Variants in DSG1 observed in about 807,000 individuals in gnomAD.
The protein encoded by DSG1 is desmoglein-1.
Under a neutral mutation model 97.5 loss-of-function variants are expected in DSG1, and 39 were observed. The observed-to-expected ratio is 0.40, with a 90% CI of 0.31 to 0.52. DSG1 has a LOEUF of 0.52. Among genes scored for constraint, DSG1 ranks in the 20% least tolerant of loss-of-function variants. The pLI is 0.53. For synonymous variants in DSG1, 475 were observed against 443.4 expected (o/e 1.07, Z -0.90); for missense variants, 1,311 against 1,295.4 (o/e 1.01, Z -0.18).
intron 1 of DSG1, among the ~76,000 whole-genome samples, chr18:31,325,748 A>G (rs181175439): frequency 1.3e-5 from 2 of 152,270 alleles, no homozygotes; most frequent in Admixed American, 6.5e-5. Context: ...TCTTAGTAGT[A>G]ATTTACTTGA....
rs140327039 is a variant in DSG1, at chr18:31,339,953, T to G, written c.1615T>G (p.Leu539Val). Residue 539 changes from leucine to valine, a missense_variant, in exon 11 of 15, where the codon TTG becomes GTG. By Grantham distance (32) the Leu-to-Val change is conservative. Transcript: ENST00000257192. ...TGAACCCGGAAACGGAGCCAAAGAT[T>G]TGTTATCAGACAATGTACATTTTGG... ...SSEPGNGAKD[L>V]LSDNVHFGPA... is the part of the protein sequence containing the mutation. 843 of 1,614,058 alleles carry G rather than the reference T, an allele frequency of 5.2e-4. 7 individuals are homozygous for G. In the East Asian group the frequency reaches 0.016, roughly 31 times the overall value.
intron 1 of DSG1, among the ~76,000 whole-genome samples, chr18:31,325,666 T>A (rs8090836): frequency 6.6e-6 from 1 of 152,126 alleles, no homozygotes; most frequent in Non-Finnish European, 1.5e-5. Context: ...ATCACAAGGA[T>A]AATAGGTTAG....
At chr18:31,347,151 A>C (rs2071846025) in intron 14 of DSG1, among the ~76,000 whole-genome samples, 1 of 152,244 alleles carries the variant, frequency 6.6e-6, no homozygotes, top group Non-Finnish European at 1.5e-5. Flanking sequence ...GTTGGTTTAA[A>C]GAGTGGCTGA....
chr18:31,319,246 CA>C (rs2071639255), intron 1 of DSG1, among the ~76,000 whole-genome samples: 1 of 152,066 alleles, frequency 6.6e-6, no homozygotes, highest in African/African-American at 2.4e-5. Flanking sequence ...TAATGTAATT[CA>C]AAAAGGCAGG....
chr18:31,335,871 T>C (rs900109627), intron 8 of DSG1, among the ~76,000 whole-genome samples: 2 of 151,032 alleles, frequency 1.3e-5, no homozygotes, highest in Non-Finnish European at 3.0e-5. Context: ...TTATATTATC[T>C]GATTTATTCA....
chr18:31,336,777 TAAG>T (rs2071757269), intron 9 of DSG1, among the ~76,000 whole-genome samples, 164 bp downstream of exon 9: 1 of 152,202 alleles, frequency 6.6e-6, no homozygotes, highest in Non-Finnish European at 1.5e-5. Flanking sequence ...ATGTTTAACT[TAAG>T]AAAACATAAA....
rs547499444 is a variant in DSG1, at chr18:31,358,287, C to T, written c.*2941C>T. Among the ~76,000 whole-genome samples the T allele has an allele frequency of 6.6e-6, 1 of 151,862 alleles. No individual in the cohort carries two copies. The highest frequency in any genetic ancestry group is 2.4e-5 in the African/African-American group (1 of 41,398). On this transcript the variant is annotated 3_prime_UTR_variant, in exon 15 of 15. Transcript: ENST00000257192. ...ATATCAACCAAAATACCATCTCAAG[C>T]TAATTTTGACACTGAATTACAGATA...
intron 14 of DSG1, among the ~76,000 whole-genome samples, chr18:31,353,021 G>A (rs1182458323): frequency 4.9e-4 from 74 of 149,984 alleles, no homozygotes; most frequent in Middle Eastern, 3.4e-3. Flanking sequence ...GAGGAACTGC[G>A]TTCCTTTGGA....
intron 10 of DSG1, among the ~76,000 whole-genome samples, chr18:31,339,167 A>G (rs2071772995): frequency 1.3e-5 from 2 of 152,186 alleles, no homozygotes; most frequent in Non-Finnish European, 2.9e-5. Context: ...TGAAAACCAC[A>G]TCAATAATAG....
At chr18:31,335,307 CT>C (rs2071745038) in intron 8 of DSG1, among the ~76,000 whole-genome samples, 1 of 152,128 alleles carries the variant, frequency 6.6e-6, no homozygotes, top group African/African-American at 2.4e-5. Flanking sequence ...ACCTAGTTTT[CT>C]CTAGATATGA....
chr18:31,336,954 G>C (rs939345702), intron 9 of DSG1, among the ~76,000 whole-genome samples: 1 of 152,266 alleles, frequency 6.6e-6, no homozygotes, highest in East Asian at 1.9e-4. Flanking sequence ...ATGATTTTCC[G>C]ATGGCAAATC....
At chr18:31,336,277 C>A in intron 8 of DSG1, 77 bp from the exon 9 acceptor site, 1 of 1,306,806 alleles carries the variant, frequency 7.7e-7, no homozygotes, top group Non-Finnish European at 1.1e-6. Flanking sequence ...GTTTTTTTTG[C>A]TATTATCAAA....
At chr18:31,333,982 C>T (rs1282106795) in intron 7 of DSG1, 35 bp from the exon 8 acceptor site, 1 of 1,451,114 alleles carries the variant, frequency 6.9e-7, no homozygotes, top group Admixed American at 1.7e-5. Context: ...CTCTTTCACA[C>T]AGTTTGTGCT....
chr18:31,355,180 G>T lies in DSG1; in HGVS notation c.2984G>T (p.Gly995Val). ...GGGAGCGGTGCCCTGAGTGGAGCTG[G>T]CATAAGTGGTGGTGGCATTGGCCTG... ...GAGSGALSGA[G>V]ISGGGIGLSS... Residue 995 changes from glycine to valine, a missense_variant, in exon 15 of 15, where the codon GGC becomes GTC. Around this residue, in one of 3 missense-constraint regions of DSG1, gnomAD observed 1,038 missense variants for 964.6 expected, o/e 1.08. Coordinates refer to ENST00000257192, the MANE Select transcript of DSG1 (RefSeq NM_001942.4). The T allele has an allele frequency of 6.2e-7, 1 of 1,603,738 alleles. No individual in the cohort carries two copies. The highest frequency in any genetic ancestry group is 8.5e-7 in the Non-Finnish European group (1 of 1,173,688).
At position 31,318,330 on chromosome 18, in the gene DSG1, A is replaced by G. The variant is rs760929884; in HGVS notation, c.30A>G (p.Ala10=). 1 of 1,613,610 alleles carries G rather than the reference A, an allele frequency of 6.2e-7. No homozygotes were observed. Among genetic ancestry groups the G allele is most frequent in the Non-Finnish European group, 8.5e-7 (1 of 1,179,536 alleles). Residue 10 remains alanine (A), a synonymous_variant, in exon 1 of 15, where the codon GCA becomes GCG. Coordinates refer to ENST00000257192, the MANE Select transcript of DSG1 (RefSeq NM_001942.4). MDWSFFRVV[A]MLFIFLVVVE... Reference sequence around the variant, plus strand: ...ACTGGAGTTTCTTCAGAGTAGTTGCAATGCTGTTCATTTTTCTGGTGAGTG... The same window carrying G: ...ACTGGAGTTTCTTCAGAGTAGTTGCGATGCTGTTCATTTTTCTGGTGAGTG...
In DSG1 at chr18:31,333,620, G is replaced by T. The variant is rs751685288; in HGVS notation, c.716G>T (p.Gly239Val). ...QYGQYALAVR[G>V]SDRDGGADGM... ...GGCCAGTATGCTCTTGCTGTAAGAGGCTCTGACCGAGATGGCGGGGCAGAT... is the reference window on the plus strand; with the variant it reads ...GGCCAGTATGCTCTTGCTGTAAGAGTCTCTGACCGAGATGGCGGGGCAGAT... The change falls in exon 7 of 15, where the codon GGC (glycine) becomes GTC (valine). Residue 239 changes from glycine to valine, a missense_variant. Coordinates refer to ENST00000257192, the MANE Select transcript of DSG1 (RefSeq NM_001942.4). The T allele has an allele frequency of 3.1e-6, 5 of 1,613,880 alleles. No individual in the cohort carries two copies. Among genetic ancestry groups the T allele is most frequent in the Non-Finnish European group, 4.2e-6 (5 of 1,179,840 alleles).
rs765443039 is a variant in DSG1 at position 31,359,020 on chromosome 18, G to T, written c.*3674G>T. 6.6e-6 allele frequency among the ~76,000 whole-genome samples: 1 copy of T among 152,098 alleles called. No homozygotes were observed. Among genetic ancestry groups the T allele is most frequent in the Non-Finnish European group, 1.5e-5 (1 of 67,990 alleles). ...TTACTAAATGCTTTATCGTCAAACT[G>T]TACCTAGTCTAACTTATTTTTCTTT... is the stretch of plus-strand genomic sequence containing the variant. On this transcript the variant is annotated 3_prime_UTR_variant, in exon 15 of 15. Coordinates refer to ENST00000257192, the MANE Select transcript of DSG1 (RefSeq NM_001942.4).
At chr18:31,333,398 T>G (rs2071732305) in intron 6 of DSG1, among the ~76,000 whole-genome samples, 191 bp from the exon 7 acceptor site, 1 of 152,198 alleles carries the variant, frequency 6.6e-6, no homozygotes, top group East Asian at 1.9e-4. Flanking sequence ...TGTTGCATCT[T>G]TTAAATAATG....
Position 31,338,473 on chromosome 18 carries a change from T to G in DSG1, c.1405+19T>G. The G allele has an allele frequency of 6.2e-7, 1 of 1,609,338 alleles. No individual in the cohort carries two copies. The highest frequency in any genetic ancestry group is 8.5e-7 in the Non-Finnish European group (1 of 1,176,092). On this transcript the variant is annotated intron_variant, in intron 10 of 14. Transcript: ENST00000257192. ...ATAGATGGTAAGAAATTAATTTACA[T>G]TTTTATCTTTTCTAGAGAAAGCTGT... is the stretch of plus-strand genomic sequence containing the variant.
Sources: gnomAD v4.1 joint callset for allele counts (sites outside exome capture counted in the v4.1 genomes callset) on GRCh38, gnomAD v4.1.1 for gene constraint, gnomAD v4.1.1 regional missense constraint, MANE v1.5 for transcripts, NCBI Gene and HGNC (gene_info 2026-07-23, HGNC 2026-07-21) for gene names.